Variants in PDE4B observed in about 807,000 individuals in gnomAD.
PDE4B encodes the protein 3',5'-cyclic-AMP phosphodiesterase 4B.
A neutral mutation model predicts 82.2 loss-of-function variants in PDE4B; 20 were observed. That is an observed-to-expected ratio of 0.24 (90% CI 0.17 to 0.35). The LOEUF is 0.35. Among genes scored for constraint, PDE4B ranks in the 10% least tolerant of loss-of-function variants. PDE4B has a pLI of 1.00. For synonymous variants in PDE4B, 320 were observed against 318.9 expected (o/e 1.00, Z -0.04); for missense variants, 655 against 907.2 (o/e 0.72, Z 3.57).
intron 3 of PDE4B, among the ~76,000 whole-genome samples, chr1:66,039,205 A>G (rs1030177785): frequency 5.3e-5 from 8 of 152,210 alleles, no homozygotes; most frequent in African/African-American, 1.7e-4. Flanking sequence ...AGATATTGTT[A>G]TTGATTGACT....
intron 3 of PDE4B, among the ~76,000 whole-genome samples, chr1:66,171,851 A>G (rs1646842637): frequency 6.6e-6 from 1 of 152,202 alleles, no homozygotes; most frequent in African/African-American, 2.4e-5. Context: ...TATAAAAAAA[A>G]TTGATATGTG....
intron 1 of PDE4B, among the ~76,000 whole-genome samples, chr1:65,824,865 C>T (rs904532827): frequency 1.3e-5 from 2 of 151,968 alleles, no homozygotes; most frequent in African/African-American, 4.8e-5. Context: ...TTTCTGAAGC[C>T]CAGTTGAATC....
At chr1:65,970,106 C>G (rs1474008192) in intron 3 of PDE4B, among the ~76,000 whole-genome samples, 2 of 151,666 alleles carry the variant, frequency 1.3e-5, no homozygotes, top group East Asian at 3.9e-4. Context: ...TATAAATTTA[C>G]TTATTTAACA....
intron 7 of PDE4B, among the ~76,000 whole-genome samples, chr1:66,294,084 T>G (rs1657314930): frequency 6.6e-6 from 1 of 152,118 alleles, no homozygotes; most frequent in Non-Finnish European, 1.5e-5. Flanking sequence ...CAGGTGCCTG[T>G]AATCCCAGCT....
intron 3 of PDE4B, among the ~76,000 whole-genome samples, chr1:66,067,059 C>T (rs1392335739): frequency 6.6e-6 from 1 of 151,742 alleles, no homozygotes; most frequent in African/African-American, 2.4e-5. Flanking sequence ...TAAGACACAG[C>T]AACCACATTT....
intron 3 of PDE4B, among the ~76,000 whole-genome samples, chr1:66,088,218 G>C (rs1216852662): frequency 1.3e-5 from 2 of 151,964 alleles, no homozygotes. Context: ...TTAGGGAATT[G>C]GCTGGTGCTA....
chr1:66,170,454 C>T (rs74998974), intron 3 of PDE4B, among the ~76,000 whole-genome samples: 1 of 152,130 alleles, frequency 6.6e-6, no homozygotes, highest in Admixed American at 6.5e-5. Context: ...TCTGTTTCCT[C>T]AGGTCAGGCT....
Position 66,095,719 on chromosome 1 carries a change from C to A in PDE4B, c.282-151741C>A, listed in dbSNP as rs116813232. Among the ~76,000 whole-genome samples, 570 of 151,994 alleles carry A rather than the reference C, an allele frequency of 3.8e-3. 1 individual carries two copies. Among genetic ancestry groups the A allele is most frequent in the African/African-American group, 0.012 (512 of 41,524 alleles). ...ATCATATGTATCACTCTTGCTTTCC[C>A]AATTAGATCATAACAATCATCTCAC... On this transcript the variant is annotated intron_variant, in intron 3 of 16. Transcript: ENST00000341517.
At chr1:65,897,501 C>T (rs148620719) in intron 1 of PDE4B, among the ~76,000 whole-genome samples, 1 of 152,008 alleles carries the variant, frequency 6.6e-6, no homozygotes, top group Non-Finnish European at 1.5e-5. Context: ...GCCCTTGACC[C>T]CTTTCTTCTT....
intron 3 of PDE4B, among the ~76,000 whole-genome samples, chr1:66,195,327 T>G (rs959150340): frequency 6.6e-5 from 10 of 152,132 alleles, no homozygotes; most frequent in Middle Eastern, 3.2e-3. Flanking sequence ...AGTGGTATCT[T>G]TGACTGACAA....
intron 3 of PDE4B, among the ~76,000 whole-genome samples, chr1:66,134,589 T>G (rs1646017797): frequency 6.6e-6 from 1 of 152,218 alleles, no homozygotes; most frequent in Non-Finnish European, 1.5e-5. Context: ...ACACGTTCCT[T>G]GCTACACTTA....
intron 1 of PDE4B, among the ~76,000 whole-genome samples, chr1:65,912,227 C>G (rs1442557278): frequency 6.6e-6 from 1 of 152,020 alleles, no homozygotes; most frequent in Non-Finnish European, 1.5e-5. Context: ...TGTTGTATGA[C>G]AACTTTATAT....
rs1022501964 is a variant in PDE4B at position 66,050,667 on chromosome 1, C to T, written c.281+131832C>T. 5 of 152,024 alleles carry T rather than the reference C, an allele frequency of 3.3e-5. No individual in the cohort carries two copies. In the East Asian group the frequency reaches 5.8e-4, roughly 18 times the overall value. The allele number at this position is 152,024 out of a possible 1,614,324, so 9.4% of individuals were successfully genotyped here. ...TTAACAGGGCCAAGAAAACATGTAA[C>T]GTTGATTCTGTTCTGAGATACACCT... On this transcript the variant is annotated intron_variant, in intron 3 of 16. Coordinates refer to ENST00000341517, the MANE Select transcript of PDE4B (RefSeq NM_002600.4).
chr1:66,306,143 T>C lies in PDE4B; in HGVS notation c.635-26365T>C, dbSNP rs146585449. The stretch of plus-strand genomic sequence containing the variant: ...AACTTGTATTGGTAATAAGTCCGTC[T>C]CTGTGGTTGAAACAGAGAATAGCTA... On this transcript the variant is annotated intron_variant, in intron 7 of 16. Coordinates refer to ENST00000341517, the MANE Select transcript of PDE4B (RefSeq NM_002600.4). 2.0e-3 allele frequency among the ~76,000 whole-genome samples: 300 copies of C among 152,304 alleles called. 1 individual carries two copies. Among genetic ancestry groups the C allele is most frequent in the East Asian group, 0.011 (59 of 5,188 alleles).
intron 8 of PDE4B, among the ~76,000 whole-genome samples, chr1:66,346,020 C>A (rs1661370485): frequency 6.6e-6 from 1 of 152,174 alleles, no homozygotes; most frequent in Non-Finnish European, 1.5e-5. Context: ...AAAAAGTCTG[C>A]ATCCTGTGGA....
At chr1:66,070,305 C>T (rs940957282) in intron 3 of PDE4B, among the ~76,000 whole-genome samples, 1 of 151,532 alleles carries the variant, frequency 6.6e-6, no homozygotes, top group East Asian at 1.9e-4. Flanking sequence ...TGTGAATATT[C>T]TTGTTACTAT....
intron 3 of PDE4B, among the ~76,000 whole-genome samples, chr1:66,032,770 C>A (rs1653857491): frequency 6.6e-6 from 1 of 151,956 alleles, no homozygotes; most frequent in Non-Finnish European, 1.5e-5. Context: ...ATTCTCCTGC[C>A]TCAGCCTCTT....
chr1:65,963,251 T>A (rs1238009617), intron 3 of PDE4B, among the ~76,000 whole-genome samples: 5 of 152,176 alleles, frequency 3.3e-5, no homozygotes, highest in Admixed American at 6.5e-5. Context: ...AAGCACCGAT[T>A]AGAACAGTAG....
At chr1:66,121,366 C>T (rs1398654194) in intron 3 of PDE4B, among the ~76,000 whole-genome samples, 1 of 151,980 alleles carries the variant, frequency 6.6e-6, no homozygotes, top group Non-Finnish European at 1.5e-5. Context: ...GGTATGGGGG[C>T]AATTTTGAAA....
Sources: gnomAD v4.1 joint callset for allele counts (sites outside exome capture counted in the v4.1 genomes callset) on GRCh38, gnomAD v4.1.1 for gene constraint, MANE v1.5 for transcripts, NCBI Gene and HGNC (gene_info 2026-07-23, HGNC 2026-07-21) for gene names.